TMIGD1: variants seen among roughly 807,000 people sequenced by gnomAD.
TMIGD1 encodes transmembrane and immunoglobulin domain-containing protein 1.
A neutral mutation model predicts 27.5 loss-of-function variants in TMIGD1; 29 were observed. The observed-to-expected ratio is 1.05, with a 90% CI of 0.78 to 1.44. The LOEUF is 1.44. Ranked by LOEUF, TMIGD1 falls within the 40% of genes most tolerant of loss-of-function variation. The pLI, the probability that TMIGD1 is intolerant of heterozygous loss-of-function variation, is 0.00. For synonymous variants in TMIGD1, 109 were observed against 110.3 expected, an observed-to-expected ratio of 0.99 and a Z score of 0.07; for missense variants, 334 against 310.6, an observed-to-expected ratio of 1.08 and a Z score of -0.57.
intron 4 of TMIGD1, among the ~76,000 whole-genome samples, 169 bp downstream of exon 4, chr17:30,324,647 G>A (rs746367098): frequency 1.3e-5 from 2 of 152,194 alleles, no homozygotes; most frequent in East Asian, 3.8e-4. Context: ...TTCCCTGAAA[G>A]GATGGACTAG....
Position 30,318,794 on chromosome 17 carries a change from C to T in TMIGD1, c.744+16G>A, listed in dbSNP as rs773219304. On this transcript the variant is annotated intron_variant, in intron 5 of 6. Coordinates refer to ENST00000328886, the MANE Select transcript of TMIGD1 (RefSeq NM_206832.3). Reference sequence around the variant, plus strand: ...ATGATGGCTTTTTACTTAAATAGCTCAGAATACTTAGATACCTTCATTATT... The same window carrying T: ...ATGATGGCTTTTTACTTAAATAGCTTAGAATACTTAGATACCTTCATTATT... 7.6e-6 allele frequency: 12 copies of T among 1,574,524 alleles called. No homozygotes were observed. Among genetic ancestry groups the T allele is most frequent in the Admixed American group, 1.7e-5 (1 of 59,798 alleles).
chr17:30,319,429 C>CAAAA (rs1286864435), intron 4 of TMIGD1, among the ~76,000 whole-genome samples: 6 of 40,778 alleles, frequency 1.5e-4, no homozygotes, highest in Non-Finnish European at 2.5e-4. Flanking sequence ...TCTCTGTCTC[C>CAAAA]AAAAAAAAAA....
At chr17:30,316,797 C>CT in intron 6 of TMIGD1, 107 bp from the exon 7 acceptor site, 1 of 1,001,892 alleles carries the variant, frequency 1.0e-6, no homozygotes, top group Non-Finnish European at 1.5e-6. Context: ...TTATTACCTA[C>CT]TACCCACTTC....
intron 4 of TMIGD1, among the ~76,000 whole-genome samples, chr17:30,320,111 C>T (rs1402991185): frequency 2.6e-5 from 4 of 151,610 alleles, no homozygotes; most frequent in African/African-American, 7.3e-5. Context: ...AATCTCGGCT[C>T]ACTGCAATCT....
rs779816856 is a variant in TMIGD1 at position 30,329,301 on chromosome 17, C to CT, written c.310dup (p.Arg104LysfsTer31). 6.2e-7 allele frequency: 1 copy of CT among 1,614,116 alleles called. No homozygotes were observed. The highest frequency in any genetic ancestry group is 8.5e-7 in the Non-Finnish European group (1 of 1,180,010). ...GGACACGGACTGATCCCTCCCCAGC[C>CT]TGCAGGTAAAGCTGATTCCGTTGTC... On this transcript the variant is annotated frameshift_variant, in exon 3 of 7. Coordinates refer to ENST00000328886, the MANE Select transcript of TMIGD1 (RefSeq NM_206832.3). LOFTEE classifies it high-confidence loss of function.
At chr17:30,318,605 T>C (rs1909498182) in intron 5 of TMIGD1, among the ~76,000 whole-genome samples, 1 of 152,260 alleles carries the variant, frequency 6.6e-6, no homozygotes, top group African/African-American at 2.4e-5. Context: ...TTTGCCCATG[T>C]GCACTTCTCT....
intron 4 of TMIGD1, among the ~76,000 whole-genome samples, chr17:30,322,337 C>A (rs1909645839): frequency 6.6e-6 from 1 of 152,128 alleles, no homozygotes; most frequent in South Asian, 2.1e-4. Flanking sequence ...GGCCCGTCAA[C>A]CTTACTGGGG....
chr17:30,325,051 T>G lies in TMIGD1; in HGVS notation c.405A>C (p.Glu135Asp), dbSNP rs764001892. The G allele has an allele frequency of 6.2e-7, 1 of 1,614,074 alleles. No homozygotes were observed. Among genetic ancestry groups the G allele is most frequent in the Admixed American group, 1.7e-5 (1 of 60,002 alleles). The change falls in exon 4 of 7, where the codon GAA (glutamate) becomes GAC (aspartate). Residue 135 changes from glutamate to aspartate, a missense_variant. By Grantham distance (45) the Glu-to-Asp change is conservative. Coordinates refer to ENST00000328886, the MANE Select transcript of TMIGD1 (RefSeq NM_206832.3). The stretch of plus-strand genomic sequence containing the variant: ...TGCAAACCAACTTCACATTACTGCC[T>G]TCCTCAACTGTTTGGAAGTCGTTTC... The part of the protein sequence containing the change: ...LSGNDFQTVE[E>D]GSNVKLVCNV...
chr17:30,316,874 G>A (rs1438123943), intron 6 of TMIGD1, 184 bp from the exon 7 acceptor site: 1 of 663,864 alleles, frequency 1.5e-6, no homozygotes, highest in South Asian at 1.8e-5. Context: ...GTGGTTCCTG[G>A]CCTTGTTGTA....
intron 6 of TMIGD1, 44 bp downstream of exon 6, chr17:30,317,149 A>G (rs1471742226): frequency 6.2e-7 from 1 of 1,602,738 alleles, no homozygotes; most frequent in Admixed American, 1.7e-5. Flanking sequence ...ACTGCTATTC[A>G]TCTGCTTATT....
intron 2 of TMIGD1, among the ~76,000 whole-genome samples, chr17:30,331,615 C>T (rs990986069): frequency 1.4e-5 from 2 of 141,638 alleles, no homozygotes; most frequent in Non-Finnish European, 3.0e-5. Flanking sequence ...GACGGAGTCT[C>T]GCCCTGTCGC....
chr17:30,318,910 T>A lies in TMIGD1; in HGVS notation c.644A>T (p.Lys215Ile), dbSNP rs747068032. 4 of 1,608,000 alleles carry A rather than the reference T, an allele frequency of 2.5e-6. No homozygotes were observed. The highest frequency in any genetic ancestry group is 3.4e-6 in the Non-Finnish European group (4 of 1,174,498). ...SLDFHLIVKD[K>I]TVGVPIEPII... ...GGGCTCTATTGGTACACCCACAGTT[T>A]TATCTGTAGGAAATGCAAACACAGG... The change falls in exon 5 of 7, where the codon AAA becomes ATA. Residue 215 changes from lysine (K) to isoleucine (I), a missense_variant. Physicochemically the swap from Lys to Ile is moderately radical, Grantham distance 102. Transcript: ENST00000328886.
chr17:30,316,403 T>A lies in TMIGD1; in HGVS notation c.*284A>T. 3.5e-6 allele frequency: 1 copy of A among 285,874 alleles called. No individual in the cohort carries two copies. Among genetic ancestry groups the A allele is most frequent in the East Asian group, 6.5e-5 (1 of 15,274 alleles). 17.7% of individuals were successfully genotyped at this position (285,874 alleles called of 1,614,324 possible). A position where few individuals can be genotyped will look rare whatever the true frequency, so the allele number is the denominator to read the frequency against. ...TCTCCTACCTAGAAAAAAAACACAC[T>A]AAACAGTAAATGATTACCAACCTAT... On this transcript the variant is annotated 3_prime_UTR_variant, in exon 7 of 7. Transcript: ENST00000328886.
At chr17:30,328,997 A>C (rs1909881240) in intron 3 of TMIGD1, among the ~76,000 whole-genome samples, 1 of 149,668 alleles carries the variant, frequency 6.7e-6, no homozygotes, top group South Asian at 2.1e-4. Context: ...GAAAGAAAAA[A>C]GAAAAAGAAA....
intron 3 of TMIGD1, among the ~76,000 whole-genome samples, chr17:30,325,566 A>G (rs1035531565): frequency 1.6e-5 from 1 of 63,564 alleles, no homozygotes; most frequent in African/African-American, 4.3e-5. Flanking sequence ...TTCTCATGTA[A>G]AAAAAAAATG....
chr17:30,326,257 T>C (rs986786524), intron 3 of TMIGD1, among the ~76,000 whole-genome samples: 5 of 152,206 alleles, frequency 3.3e-5, no homozygotes, highest in Non-Finnish European at 5.9e-5. Flanking sequence ...TAGTGATTTC[T>C]TTCTATTTAA....
chr17:30,320,479 A>G lies in TMIGD1; in HGVS notation c.641-1566T>C, dbSNP rs59582127. ...AAAGTAGCAAAATTAATCAAAATTAATCAATGTTTAAGCATCTGTAAAATG... is the reference window on the plus strand; with the variant it reads ...AAAGTAGCAAAATTAATCAAAATTAGTCAATGTTTAAGCATCTGTAAAATG... On this transcript the variant is annotated intron_variant, in intron 4 of 6. Coordinates refer to ENST00000328886, the MANE Select transcript of TMIGD1 (RefSeq NM_206832.3). Among the ~76,000 whole-genome samples, 890 of 152,342 alleles carry G rather than the reference A, an allele frequency of 5.8e-3. 9 individuals are homozygous for G. Among genetic ancestry groups the G allele is most frequent in the African/African-American group, 0.02 (836 of 41,582 alleles).
In TMIGD1 at chr17:30,328,955, C is replaced by T. The variant is rs147827933; in HGVS notation, c.361+296G>A. Among the ~76,000 whole-genome samples, 892 of 119,338 alleles carry T rather than the reference C, an allele frequency of 7.5e-3. 7 individuals carry two copies. The highest frequency in any genetic ancestry group is 0.015 in the African/African-American group (462 of 30,054). The allele number at this position is 119,338 out of a possible 152,430, so 78.3% of individuals were successfully genotyped here. ...CTGCACTCCAGCCTGGGCAACAGAGCGAGACTCTGTCTCAAAAAAAAAAAA... is the reference window on the plus strand; with the variant it reads ...CTGCACTCCAGCCTGGGCAACAGAGTGAGACTCTGTCTCAAAAAAAAAAAA... On this transcript the variant is annotated intron_variant, in intron 3 of 6. Transcript: ENST00000328886.
rs751853454 is a variant in TMIGD1 at position 30,329,254 on chromosome 17, T to C, written c.358A>G (p.Thr120Ala). 2.4e-5 allele frequency: 39 copies of C among 1,612,316 alleles called. No homozygotes were observed. Among genetic ancestry groups the C allele is most frequent in the Non-Finnish European group, 3.1e-5 (37 of 1,178,502 alleles). ...SVSVSVVLNV[T>A]FPPLLSGNDF... ...TGTTTCTTTTCCCCTCACTCACAAG[T>C]AACATTCAGCACCACCGAAACGGAC... is the stretch of plus-strand genomic sequence containing the variant. The change falls in exon 3 of 7, where the codon ACT becomes GCT. Residue 120 changes from threonine to alanine, a missense_variant. Physicochemically the swap from Thr to Ala is moderately conservative, Grantham distance 58. Transcript: ENST00000328886.
Sources: gnomAD v4.1 joint callset for allele counts (sites outside exome capture counted in the v4.1 genomes callset) on GRCh38, gnomAD v4.1.1 for gene constraint, MANE v1.5 for transcripts, NCBI Gene and HGNC (gene_info 2026-07-23, HGNC 2026-07-21) for gene names.